Variants in TRIM55 observed in about 807,000 individuals in gnomAD.
TRIM55 encodes tripartite motif-containing protein 55.
In TRIM55, 50 loss-of-function variants were observed where a neutral mutation model predicts 60.9. The ratio of observed to expected loss-of-function variants is 0.82; its 90% CI spans 0.65 to 1.04. TRIM55 has a LOEUF of 1.04. Among genes scored for constraint, TRIM55 ranks in the 50% least tolerant of loss-of-function variants. TRIM55 has a pLI of 0.00. For synonymous variants in TRIM55, 237 were observed against 238.1 expected (o/e 1.00, Z 0.04); for missense variants, 681 against 666.9 (o/e 1.02, Z -0.23).
chr8:66,143,175 C>T (rs1391500556), intron 4 of TRIM55, among the ~76,000 whole-genome samples: 1 of 152,156 alleles, frequency 6.6e-6, no homozygotes, highest in East Asian at 1.9e-4. Context: ...AGTGGTGGGT[C>T]TAAGAGCTTA....
At chr8:66,168,156 T>A (rs1811427220) in intron 9 of TRIM55, among the ~76,000 whole-genome samples, 1 of 152,206 alleles carries the variant, frequency 6.6e-6, no homozygotes, top group Non-Finnish European at 1.5e-5. Context: ...ATTTCATTCC[T>A]AACATACCTT....
At chr8:66,114,935 G>A in the TRIM55 span, 3 of 178,840 alleles carry the variant, frequency 1.7e-5, no homozygotes, top group African/African-American at 4.7e-5. Context: ...GTCCTTGAGC[G>A]TAATTTTGTG....
chr8:66,155,802 C>A, intron 9 of TRIM55: 1 of 910,246 alleles, frequency 1.1e-6, no homozygotes. Flanking sequence ...AATTTCTCCC[C>A]AAATCTTGAG....
chr8:66,156,793 C>G (rs1171444256), intron 9 of TRIM55, among the ~76,000 whole-genome samples: 1 of 152,174 alleles, frequency 6.6e-6, no homozygotes, highest in East Asian at 1.9e-4. Context: ...CCATTGGTCT[C>G]TGCCGTGTCT....
chr8:66,135,665 A>G (rs1809442965), intron 3 of TRIM55, among the ~76,000 whole-genome samples: 1 of 152,148 alleles, frequency 6.6e-6, no homozygotes, highest in Non-Finnish European at 1.5e-5. Context: ...GTTACAGAAC[A>G]GCTTTAAAAC....
chr8:66,167,876 T>A (rs1051715902), intron 9 of TRIM55, among the ~76,000 whole-genome samples: 2 of 152,116 alleles, frequency 1.3e-5, no homozygotes, highest in Non-Finnish European at 2.9e-5. Context: ...GCCTCCTGAG[T>A]AGCTAGGACT....
chr8:66,133,719 T>C (rs540535325), intron 2 of TRIM55, among the ~76,000 whole-genome samples: 2 of 152,286 alleles, frequency 1.3e-5, no homozygotes, highest in South Asian at 2.1e-4. Flanking sequence ...TAGCAACTTA[T>C]AAAGGAACAT....
At chr8:66,145,303 A>C (rs917219463) in intron 4 of TRIM55, among the ~76,000 whole-genome samples, 5 of 152,242 alleles carry the variant, frequency 3.3e-5, no homozygotes, top group Non-Finnish European at 5.9e-5. Flanking sequence ...TGTAAGTTCC[A>C]ATTTCGTAAT....
At chr8:66,155,672 T>C (rs1810697214) in intron 9 of TRIM55, 2 of 1,613,328 alleles carry the variant, frequency 1.2e-6, no homozygotes, top group African/African-American at 2.7e-5. Flanking sequence ...CTTCACTACA[T>C]CTGGAGTCAG....
rs190195832 is a variant in TRIM55, at chr8:66,166,353, A to G, written c.1525-8118A>G. On this transcript the variant is annotated intron_variant, in intron 9 of 9. Coordinates refer to ENST00000315962, the MANE Select transcript of TRIM55 (RefSeq NM_184085.2). ...GGGAGAGCTCTCTTGGGGAGCTGTT[A>G]TGACACAGCTAGCTGAGCTAAGCTT... Among the ~76,000 whole-genome samples, 13 of 152,336 alleles carry G rather than the reference A, an allele frequency of 8.5e-5. No individual in the cohort carries two copies. The East Asian group carries it at 2.3e-3, about 27-fold the overall frequency.
rs1388947653 is a variant in TRIM55, at chr8:66,137,393, C to G, written c.603+203C>G. 2.0e-5 allele frequency among the ~76,000 whole-genome samples: 3 copies of G among 152,180 alleles called. No individual in the cohort carries two copies. In the East Asian group the frequency reaches 5.8e-4, roughly 29 times the overall value. On this transcript the variant is annotated intron_variant, in intron 4 of 9. Coordinates refer to ENST00000315962, the MANE Select transcript of TRIM55 (RefSeq NM_184085.2). ...ACATGAGTCACTGAGGCAGATGTTACCACAATTACTAGGGCTGTTGCTGTA... is the reference window on the plus strand; with the variant it reads ...ACATGAGTCACTGAGGCAGATGTTAGCACAATTACTAGGGCTGTTGCTGTA...
At chr8:66,123,815 G>A (rs564619097), upstream of TRIM55, among the ~76,000 whole-genome samples, 17 of 152,290 alleles carry the variant, frequency 1.1e-4, no homozygotes, top group East Asian at 2.1e-3. Context: ...CTATGATTGC[G>A]CCACTGCACT....
Position 66,161,673 on chromosome 8 carries a change from A to G in TRIM55, c.1524+7339A>G, listed in dbSNP as rs181522215. Among the ~76,000 whole-genome samples the G allele has an allele frequency of 3.6e-4, 54 of 149,676 alleles. No homozygotes were observed. In the East Asian group the frequency reaches 1.0e-2, roughly 28 times the overall value. ...ATGGGATGTGTTTCCATTTGTTTGT[A>G]TCATCTATGATTTCTTTCCACAGTG... is the stretch of plus-strand genomic sequence containing the variant. On this transcript the variant is annotated intron_variant, in intron 9 of 9. Transcript: ENST00000315962.
chr8:66,151,705 G>A (rs188817246), intron 7 of TRIM55, among the ~76,000 whole-genome samples: 1,718 of 152,042 alleles, frequency 0.011, 28 homozygotes, highest in African/African-American at 0.034. Context: ...TTAGCCGGGC[G>A]TGGTGGCGTA....
At chr8:66,168,590 A>G (rs1811451635) in intron 9 of TRIM55, among the ~76,000 whole-genome samples, 2 of 152,244 alleles carry the variant, frequency 1.3e-5, no homozygotes, top group Non-Finnish European at 2.9e-5. Flanking sequence ...TCCTGTCCAC[A>G]TTCCTTTAAG....
At chr8:66,137,062 T>C (rs1316415518) in intron 3 of TRIM55, 33 bp from the exon 4 acceptor site, 3 of 1,588,586 alleles carry the variant, frequency 1.9e-6, no homozygotes, top group Middle Eastern at 1.7e-4. Flanking sequence ...AGGAAACCCC[T>C]AAGATATTGG....
chr8:66,125,667 G>A (rs1808792591), upstream of TRIM55, among the ~76,000 whole-genome samples: 1 of 152,140 alleles, frequency 6.6e-6, no homozygotes, highest in Non-Finnish European at 1.5e-5. Flanking sequence ...CGTCCTCCCT[G>A]TAGTTGCTAA....
intron 9 of TRIM55, among the ~76,000 whole-genome samples, chr8:66,171,338 T>A (rs1409166595): frequency 6.8e-6 from 1 of 147,690 alleles, no homozygotes; most frequent in Non-Finnish European, 1.5e-5. Context: ...AGTGAGAACA[T>A]GTGGTATTTG....
At chr8:66,159,531 T>A (rs1301461771) in intron 9 of TRIM55, among the ~76,000 whole-genome samples, 2 of 152,244 alleles carry the variant, frequency 1.3e-5, no homozygotes, top group African/African-American at 4.8e-5. Flanking sequence ...AATACATGTT[T>A]TCATCTCTCT....
Sources: gnomAD v4.1 joint callset for allele counts (sites outside exome capture counted in the v4.1 genomes callset) on GRCh38, gnomAD v4.1.1 for gene constraint, MANE v1.5 for transcripts, NCBI Gene and HGNC (gene_info 2026-07-23, HGNC 2026-07-21) for gene names.